Variants in USP15 observed in about 807,000 individuals in gnomAD.
USP15 encodes ubiquitin specific peptidase 15.
In USP15, 18 loss-of-function variants were observed where a neutral mutation model predicts 127.1. The observed-to-expected ratio is 0.14, with a 90% CI of 0.10 to 0.21. The LOEUF (loss-of-function observed/expected upper bound fraction) is 0.21, where lower values mean the gene tolerates loss of function less well. Ranked by LOEUF, USP15 falls within the 10% of genes least tolerant of loss-of-function variation. The probability of loss-of-function intolerance (pLI) is 1.00; values close to 1 mark genes in which losing one functional copy is unlikely to be tolerated. For missense variants in USP15, 805 were observed against 1,159.9 expected, an observed-to-expected ratio of 0.69 and a Z score of 4.44; for synonymous variants, 364 against 393.7, an observed-to-expected ratio of 0.92 and a Z score of 0.89.
At chr12:62,356,293 A>G (rs1028947862) in intron 8 of USP15, among the ~76,000 whole-genome samples, 2 of 151,798 alleles carry the variant, frequency 1.3e-5, no homozygotes, top group Non-Finnish European at 2.9e-5. Flanking sequence ...TGAATCTCCT[A>G]TGCCCAGGAG....
At chr12:62,340,560 A>G (rs2065616098) in intron 6 of USP15, among the ~76,000 whole-genome samples, 1 of 151,546 alleles carries the variant, frequency 6.6e-6, no homozygotes, top group Non-Finnish European at 1.5e-5. Flanking sequence ...CTGCTTTAGC[A>G]GAATCTCTGG....
At chr12:62,323,535 G>C (rs892541876) in intron 5 of USP15, among the ~76,000 whole-genome samples, 8 of 152,136 alleles carry the variant, frequency 5.3e-5, no homozygotes, top group Middle Eastern at 3.2e-3. Flanking sequence ...ATGTATTACA[G>C]TTAAAAGGGA....
At chr12:62,348,130 C>T (rs1476716878) in intron 6 of USP15, among the ~76,000 whole-genome samples, 2 of 152,138 alleles carry the variant, frequency 1.3e-5, no homozygotes, top group African/African-American at 4.8e-5. Context: ...AGCTCTTGAG[C>T]CTGGGAGGTC....
At chr12:62,289,599 C>T (rs761551057) in intron 1 of USP15, among the ~76,000 whole-genome samples, 1 of 151,670 alleles carries the variant, frequency 6.6e-6, no homozygotes, top group Non-Finnish European at 1.5e-5. Context: ...GTCTCAGTGT[C>T]ACTTACTTTT....
At chr12:62,308,558 C>T (rs1298383182) in intron 3 of USP15, among the ~76,000 whole-genome samples, 1 of 152,062 alleles carries the variant, frequency 6.6e-6, no homozygotes, top group Admixed American at 6.6e-5. Flanking sequence ...CCTTAACTTA[C>T]CCTATAGAGA....
intron 4 of USP15, among the ~76,000 whole-genome samples, chr12:62,320,604 T>G (rs1460847619): frequency 6.6e-6 from 1 of 152,190 alleles, no homozygotes; most frequent in African/African-American, 2.4e-5. Flanking sequence ...AGTGCCTTTT[T>G]TTCCTACTGA....
chr12:62,393,563 C>T (rs1384545614), intron 19 of USP15: 1 of 160,078 alleles, frequency 6.2e-6, no homozygotes, highest in African/African-American at 2.4e-5. Flanking sequence ...ATCACTTACT[C>T]CTAAATATGT....
At chr12:62,360,572 T>C (rs1463467730) in intron 8 of USP15, among the ~76,000 whole-genome samples, 2 of 152,096 alleles carry the variant, frequency 1.3e-5, no homozygotes, top group Non-Finnish European at 2.9e-5. Context: ...ACCTTGAGAC[T>C]TTCTTTTTGC....
At position 62,415,822 on chromosome 12, in the gene USP15, T is replaced by C. The variant is rs918954977; in HGVS notation, c.*11447T>C. On this transcript the variant is annotated 3_prime_UTR_variant, in exon 22 of 22. Coordinates refer to ENST00000280377, the MANE Select transcript of USP15 (RefSeq NM_001252078.2). ...ACTGTAATTGAATATTACCTACCTT[T>C]CAGAATAATTGCAAGGTTTTGTGTC... 6.6e-6 allele frequency: 1 copy of C among 152,182 alleles called. No homozygotes were observed. Among genetic ancestry groups the C allele is most frequent in the Non-Finnish European group, 1.5e-5 (1 of 68,030 alleles). 9.4% of individuals were successfully genotyped at this position (152,182 alleles called of 1,614,324 possible).
At chr12:62,386,103 A>G (rs1592712274) in intron 11 of USP15, among the ~76,000 whole-genome samples, 1 of 151,668 alleles carries the variant, frequency 6.6e-6, no homozygotes, top group East Asian at 1.9e-4. Flanking sequence ...GTGACCAATA[A>G]TATAAATTTG....
intron 3 of USP15, among the ~76,000 whole-genome samples, chr12:62,303,873 T>G (rs2064398017): frequency 6.6e-6 from 1 of 152,180 alleles, no homozygotes; most frequent in Admixed American, 6.6e-5. Flanking sequence ...ACTTCAAAAT[T>G]AGAATTTCTC....
At chr12:62,265,352 A>G (rs1005624258) in intron 1 of USP15, among the ~76,000 whole-genome samples, 1 of 152,208 alleles carries the variant, frequency 6.6e-6, no homozygotes, top group Non-Finnish European at 1.5e-5. Flanking sequence ...GTACTGTTAT[A>G]AATGCATATT....
intron 1 of USP15, among the ~76,000 whole-genome samples, chr12:62,270,404 G>A (rs75176756): frequency 6.6e-6 from 1 of 151,620 alleles, no homozygotes; most frequent in Non-Finnish European, 1.5e-5. Context: ...TGTCACTTTT[G>A]CTTTTGGTAT....
At chr12:62,380,259 T>C (rs2066949763) in intron 8 of USP15, among the ~76,000 whole-genome samples, 2 of 151,818 alleles carry the variant, frequency 1.3e-5, no homozygotes, top group Admixed American at 1.3e-4. Flanking sequence ...TAAATAGATA[T>C]TATTGACTAC....
At chr12:62,296,649 T>C (rs1237948472) in intron 2 of USP15, among the ~76,000 whole-genome samples, 1 of 152,132 alleles carries the variant, frequency 6.6e-6, no homozygotes, top group Non-Finnish European at 1.5e-5. Flanking sequence ...GAAGTAACAA[T>C]GGACCAGACT....
In USP15 at chr12:62,413,215, G is replaced by A. The variant is rs2068078756; in HGVS notation, c.*8840G>A. 1 of 152,098 alleles carries A rather than the reference G, an allele frequency of 6.6e-6. No individual in the cohort carries two copies. Among genetic ancestry groups the A allele is most frequent in the African/African-American group, 2.4e-5 (1 of 41,420 alleles). 9.4% of individuals were successfully genotyped at this position (152,098 alleles called of 1,614,324 possible). A position where few individuals can be genotyped will look rare whatever the true frequency, so the allele number is the denominator to read the frequency against. ...ATATTTAGTAAACCTTCCTATAAAC[G>A]GATGTGCTACCATCCAGGCTTTATG... On this transcript the variant is annotated 3_prime_UTR_variant, in exon 22 of 22. Transcript: ENST00000280377.
At chr12:62,336,031 T>G (rs564291807) in intron 6 of USP15, 4 of 984,614 alleles carry the variant, frequency 4.1e-6, no homozygotes, top group Admixed American at 6.1e-5. Context: ...GTAGTCTATG[T>G]GATAGGCCCT....
intron 17 of USP15, 38 bp downstream of exon 17, chr12:62,391,924 ATTTAC>A: frequency 6.5e-7 from 1 of 1,532,138 alleles, no homozygotes; most frequent in Non-Finnish European, 8.9e-7. Context: ...CCTTTCCTTG[ATTTAC>A]TTTATGTGAT....
At chr12:62,282,568 G>C (rs1261099362) in intron 1 of USP15, among the ~76,000 whole-genome samples, 2 of 152,154 alleles carry the variant, frequency 1.3e-5, no homozygotes, top group Non-Finnish European at 2.9e-5. Flanking sequence ...GTAAATGGAA[G>C]ATTTCAGAAA....
Sources: allele counts gnomAD v4.1 joint callset (sites outside exome capture counted in the v4.1 genomes callset), GRCh38; gene constraint gnomAD v4.1.1; transcripts MANE v1.5; gene names NCBI Gene and HGNC (gene_info 2026-07-23, HGNC 2026-07-21).